KCNC2: variants seen among roughly 807,000 people sequenced by gnomAD.
KCNC2 encodes the protein voltage-gated potassium channel KCNC2.
KCNC2 carries 21 observed loss-of-function variants against 44.5 expected under a neutral mutation model. The ratio of observed to expected loss-of-function variants is 0.47; its 90% CI spans 0.33 to 0.68. The LOEUF is 0.68. KCNC2 is among the 30% of genes least tolerant of loss of function. The probability of loss-of-function intolerance (pLI) is 0.01; values close to 1 mark genes in which losing one functional copy is unlikely to be tolerated. For synonymous variants in KCNC2, 391 were observed against 339.1 expected (o/e 1.15, Z -1.68); for missense variants, 589 against 826.2 (o/e 0.71, Z 3.52).
At chr12:75,176,039 TTAG>T (rs751298954) in intron 2 of KCNC2, among the ~76,000 whole-genome samples, 3 of 152,082 alleles carry the variant, frequency 2.0e-5, no homozygotes, top group Non-Finnish European at 4.4e-5. Flanking sequence ...TTTTAAATTA[TTAG>T]TAGAATTTGA....
At position 75,041,262 on chromosome 12, in the gene KCNC2, G is replaced by T; in HGVS notation, c.*1843C>A. The T allele has an allele frequency of 6.3e-7, 1 of 1,578,564 alleles. No individual in the cohort carries two copies. Among genetic ancestry groups the T allele is most frequent in the Non-Finnish European group, 8.6e-7 (1 of 1,168,468 alleles). On this transcript the variant is annotated 3_prime_UTR_variant, in exon 5 of 5. Transcript: ENST00000549446. ...ATATTAATTCTTTTACCATAAATTTGTGTGTAATTATAATGTTCTATGTGT... is the reference window on the plus strand; with the variant it reads ...ATATTAATTCTTTTACCATAAATTTTTGTGTAATTATAATGTTCTATGTGT...
At chr12:75,095,501 T>C (rs561747793) in intron 2 of KCNC2, among the ~76,000 whole-genome samples, 4 of 152,010 alleles carry the variant, frequency 2.6e-5, no homozygotes, top group Non-Finnish European at 5.9e-5. Flanking sequence ...ATTTCACATC[T>C]TGTTTTCCTT....
chr12:75,170,430 A>C (rs79002664), intron 2 of KCNC2, among the ~76,000 whole-genome samples: 4,146 of 151,820 alleles, frequency 0.027, 170 homozygotes, highest in African/African-American at 0.094. Context: ...TGAATCAAAA[A>C]TCATGGAATT....
chr12:75,064,458 A>T (rs1882633883), intron 2 of KCNC2, among the ~76,000 whole-genome samples: 1 of 152,056 alleles, frequency 6.6e-6, no homozygotes, highest in Admixed American at 6.6e-5. Flanking sequence ...TTGGATTACA[A>T]GGCTGAGTAT....
At chr12:75,078,539 A>G (rs1205180234) in intron 2 of KCNC2, among the ~76,000 whole-genome samples, 2 of 152,176 alleles carry the variant, frequency 1.3e-5, no homozygotes, top group Non-Finnish European at 2.9e-5. Flanking sequence ...GGGAGGCCTT[A>G]CTATACAAAT....
chr12:75,085,001 A>C (rs1317503271), intron 2 of KCNC2, among the ~76,000 whole-genome samples: 1 of 140,036 alleles, frequency 7.1e-6, no homozygotes, highest in Non-Finnish European at 1.5e-5. Flanking sequence ...TCAGTAAAGG[A>C]CTTAAAATTC....
At chr12:75,089,019 A>C (rs7974619) in intron 2 of KCNC2, among the ~76,000 whole-genome samples, 135,266 of 151,774 alleles carry the variant, frequency 0.89, 60,334 homozygotes, top group Admixed American at 0.92. Context: ...AGGTTTAAAT[A>C]TTAAGCTCAA....
chr12:75,150,926 T>C (rs1413164472), intron 2 of KCNC2, among the ~76,000 whole-genome samples: 1 of 151,966 alleles, frequency 6.6e-6, no homozygotes, highest in Non-Finnish European at 1.5e-5. Flanking sequence ...GATTCCATTT[T>C]CTATGCACCC....
rs1305276326 is a variant in KCNC2 at position 75,040,692 on chromosome 12, C to T, written c.*2413G>A. 6.1e-6 allele frequency: 1 copy of T among 164,098 alleles called. No homozygotes were observed. The highest frequency in any genetic ancestry group is 1.3e-5 in the Non-Finnish European group (1 of 74,538). 10.2% of individuals were successfully genotyped at this position (164,098 alleles called of 1,614,324 possible). A position where few individuals can be genotyped will look rare whatever the true frequency, so the allele number is the denominator to read the frequency against. The stretch of plus-strand genomic sequence containing the variant: ...CACAACATAATTGACAAGCTGATTA[C>T]ATCAGTAATTTATAAGAAAATTATA... On this transcript the variant is annotated 3_prime_UTR_variant, in exon 5 of 5. Transcript: ENST00000549446.
chr12:75,055,276 G>A lies in KCNC2; in HGVS notation c.688-3959C>T, dbSNP rs79725652. The stretch of plus-strand genomic sequence containing the variant: ...ATTCCAGTGGGAATTAAAATGATAT[G>A]AATAAAAGGTAAGTAATATAAATCA... On this transcript the variant is annotated intron_variant, in intron 2 of 4. Transcript: ENST00000549446. Among the ~76,000 whole-genome samples, 1,381 of 152,002 alleles carry A rather than the reference G, an allele frequency of 9.1e-3. 22 individuals carry two copies. The highest frequency in any genetic ancestry group is 0.03 in the African/African-American group (1,263 of 41,456).
rs759545913 is a variant in KCNC2, at chr12:75,050,793, C to T, written c.1212G>A (p.Glu404=). The change falls in exon 3 of 5, where the codon GAG becomes GAA. Residue 404 remains glutamate (E), a synonymous_variant. Transcript: ENST00000549446. ...GGTCGTTAGGTTGAGCTCCCACTCTCTCGGCATAGTAGATCATGGTAGCAA... is the reference window on the plus strand; with the variant it reads ...GGTCGTTAGGTTGAGCTCCCACTCTTTCGGCATAGTAGATCATGGTAGCAA... ...LIFATMIYYA[E]RVGAQPNDPS... 14 of 1,613,404 alleles carry T rather than the reference C, an allele frequency of 8.7e-6. No individual in the cohort carries two copies. In the South Asian group the frequency reaches 1.4e-4, roughly 16 times the overall value.
chr12:75,044,325 C>A (rs1880241487), intron 4 of KCNC2, among the ~76,000 whole-genome samples: 1 of 151,676 alleles, frequency 6.6e-6, no homozygotes, highest in African/African-American at 2.4e-5. Context: ...TTTTGGCAAC[C>A]AAAATTGAGC....
At chr12:75,184,853 G>A (rs1321526693) in intron 2 of KCNC2, among the ~76,000 whole-genome samples, 2 of 152,130 alleles carry the variant, frequency 1.3e-5, no homozygotes, top group Non-Finnish European at 2.9e-5. Context: ...CACAGAGATA[G>A]AACAAAGATT....
intron 2 of KCNC2, among the ~76,000 whole-genome samples, chr12:75,076,440 T>C (rs756788300): frequency 3.4e-4 from 51 of 151,792 alleles, no homozygotes; most frequent in Non-Finnish European, 6.2e-4. Context: ...GCCCGGCTAA[T>C]TTTTTTTATT....
chr12:75,201,084 A>G (rs1022217599), intron 2 of KCNC2, among the ~76,000 whole-genome samples: 2 of 151,336 alleles, frequency 1.3e-5, no homozygotes, highest in African/African-American at 4.8e-5. Context: ...GAACATCTTC[A>G]TGGGTTTCAT....
chr12:75,189,080 G>A (rs2029946804), intron 2 of KCNC2, among the ~76,000 whole-genome samples: 1 of 152,118 alleles, frequency 6.6e-6, no homozygotes, highest in African/African-American at 2.4e-5. Flanking sequence ...GACAGGACTA[G>A]TGAAATTTTA....
rs1415384288 is a variant in KCNC2 at position 75,201,261 on chromosome 12, GGAAAAAAAA to G, written c.687+6027_687+6035del. Among the ~76,000 whole-genome samples, 5 of 19,910 alleles carry G rather than the reference GGAAAAAAAA, an allele frequency of 2.5e-4. 1 individual carries two copies. Among genetic ancestry groups the G allele is most frequent in the Admixed American group, 1.6e-3 (2 of 1,264 alleles). 13.1% of individuals were successfully genotyped at this position (19,910 alleles called of 152,430 possible). Reference sequence around the variant, plus strand: ...AGGGCAGAAAGTTACAAACGAAATTGGAAAAAAAAAAAAAAAAAAAAAAAAAAAAAAAAA... The same window carrying G: ...AGGGCAGAAAGTTACAAACGAAATTGAAAAAAAAAAAAAAAAAAAAAAAAA... On this transcript the variant is annotated intron_variant, in intron 2 of 4. Coordinates refer to ENST00000549446, the MANE Select transcript of KCNC2 (RefSeq NM_139137.4).
intron 2 of KCNC2, among the ~76,000 whole-genome samples, chr12:75,132,010 C>T (rs1054660915): frequency 6.6e-6 from 1 of 152,076 alleles, no homozygotes; most frequent in Non-Finnish European, 1.5e-5. Flanking sequence ...AATGGAGAAG[C>T]CTTGTCTCTA....
chr12:75,112,520 C>T (rs779637679), intron 2 of KCNC2, among the ~76,000 whole-genome samples: 2 of 151,956 alleles, frequency 1.3e-5, no homozygotes, highest in African/African-American at 2.4e-5. Flanking sequence ...ATACTGCGTC[C>T]CTATTCTCTC....
Sources: allele counts gnomAD v4.1 joint callset (sites outside exome capture counted in the v4.1 genomes callset), GRCh38; gene constraint gnomAD v4.1.1; transcripts MANE v1.5; gene names NCBI Gene and HGNC (gene_info 2026-07-23, HGNC 2026-07-21).